RBM42: variants seen among roughly 807,000 people sequenced by gnomAD.
RBM42 encodes RNA-binding protein 42.
A neutral mutation model predicts 41.4 loss-of-function variants in RBM42; 21 were observed. The ratio of observed to expected loss-of-function variants is 0.51; its 90% CI spans 0.36 to 0.73. The LOEUF (loss-of-function observed/expected upper bound fraction) is 0.73, where lower values mean the gene tolerates loss of function less well. Among genes scored for constraint, RBM42 ranks in the 30% least tolerant of loss-of-function variants. RBM42 has a pLI of 0.00. For synonymous variants in RBM42, 272 were observed against 271.2 expected, an observed-to-expected ratio of 1.00 and a Z score of -0.03; for missense variants, 539 against 680.4, an observed-to-expected ratio of 0.79 and a Z score of 2.31.
rs1344951642 is a variant in RBM42, at chr19:35,633,964, G to A, written c.962G>A (p.Arg321His). 10 of 1,557,588 alleles carry A rather than the reference G, an allele frequency of 6.4e-6. No homozygotes were observed. Among genetic ancestry groups the A allele is most frequent in the Non-Finnish European group, 6.9e-6 (8 of 1,157,330 alleles). The change falls in exon 7 of 10, where the codon CGT (arginine) becomes CAT (histidine). Residue 321 changes from arginine (R) to histidine (H), a missense_variant. Arg to His is a conservative substitution (Grantham distance 29, BLOSUM62 0). Around this residue, in one of 2 missense-constraint regions of RBM42, gnomAD observed 429 missense variants for 488.9 expected, o/e 0.88. Transcript: ENST00000262633. ...CGCATTCCTGAACTCCTGTCCCTGC[G>A]TCCTCGGCCCCGGCCCCCTCGGCCA... ...PLRIPELLSL[R>H]PRPRPPRPEP... is the part of the protein sequence containing the mutation.
chr19:35,631,309 C>T, intron 3 of RBM42, 22 bp from the exon 4 acceptor site: 1 of 1,613,972 alleles, frequency 6.2e-7, no homozygotes, highest in Non-Finnish European at 8.5e-7. Flanking sequence ...TCCCACCATC[C>T]TTGCCTCTCC....
rs1163065554 is a variant in RBM42, at chr19:35,633,984, C to T, written c.982C>T (p.Arg328Trp). 3 of 1,533,072 alleles carry T rather than the reference C, an allele frequency of 2.0e-6. No individual in the cohort carries two copies. The highest frequency in any genetic ancestry group is 1.7e-6 in the Non-Finnish European group (2 of 1,145,066). The allele number at this position is 1,533,072 out of a possible 1,614,324, so 95.0% of individuals were successfully genotyped here. ...LSLRPRPRPP[R>W]PEPPPGLMAL... is the part of the protein sequence containing the mutation. ...CCTGCGTCCTCGGCCCCGGCCCCCTCGGCCAGAGCCACCCCCAGGCCTCAT... is the reference window on the plus strand; with the variant it reads ...CCTGCGTCCTCGGCCCCGGCCCCCTTGGCCAGAGCCACCCCCAGGCCTCAT... Residue 328 changes from arginine (R) to tryptophan (W), a missense_variant, in exon 7 of 10, where the codon CGG (arginine) becomes TGG (tryptophan). Arg to Trp is a moderately radical substitution (Grantham distance 101). Transcript: ENST00000262633.
Position 35,629,622 on chromosome 19 carries a change from C to A in RBM42, c.231C>A (p.Val77=). 1 of 1,614,210 alleles carries A rather than the reference C, an allele frequency of 6.2e-7. No individual in the cohort carries two copies. The highest frequency in any genetic ancestry group is 1.1e-5 in the South Asian group (1 of 91,086). Residue 77 remains valine (V), a synonymous_variant, in exon 2 of 10, where the codon GTC becomes GTA. Transcript: ENST00000262633. ...PTVPTVEAMQ[V]PAAPVIRPII... The stretch of plus-strand genomic sequence containing the variant: ...TCCCCACAGTAGAAGCGATGCAGGT[C>A]CCAGCGGCTCCTGTGATCCGCCCAA...
At chr19:35,636,819 G>C (rs866435408) in intron 8 of RBM42, among the ~76,000 whole-genome samples, 3 of 152,144 alleles carry the variant, frequency 2.0e-5, no homozygotes, top group African/African-American at 7.2e-5. Context: ...GGTGGCCCTG[G>C]GGTGGGGAGG....
chr19:35,629,188 G>C lies in RBM42; in HGVS notation c.35G>C (p.Gly12Ala). ...GCGGGGCCAGCCCCGGGACTCCCGG[G>C]TGCAGGAGGACCCGTGGTCCCGGGT... is the stretch of plus-strand genomic sequence containing the variant. ...AGAGPAPGLP[G>A]AGGPVVPGPG... The change falls in exon 1 of 10, where the codon GGT becomes GCT. Residue 12 changes from glycine (G) to alanine (A), a missense_variant. This residue lies in a region of RBM42 where 429 missense variants were observed against 488.9 expected (regional missense o/e 0.88). Transcript: ENST00000262633. 6.5e-7 allele frequency: 1 copy of C among 1,533,992 alleles called. No homozygotes were observed. The highest frequency in any genetic ancestry group is 1.2e-5 in the South Asian group (1 of 83,630).
intron 6 of RBM42, 32 bp downstream of exon 6, chr19:35,633,284 G>T: frequency 6.6e-7 from 1 of 1,506,630 alleles, no homozygotes. Context: ...ACGGTCAGAT[G>T]TGCGGTGGAC....
In RBM42 at chr19:35,629,229, C is replaced by G; in HGVS notation, c.76C>G (p.Pro26Ala). ...GGTCCCGGGTCCTGGCGCTGGCATC[C>G]CGGGCAAAAGCGGCGAGGAACGCTT... is the stretch of plus-strand genomic sequence containing the variant. ...PVVPGPGAGI[P>A]GKSGEERLKE... The change falls in exon 1 of 10, where the codon CCG becomes GCG. Residue 26 changes from proline (P) to alanine (A), a missense_variant. Pro to Ala is a conservative substitution (Grantham distance 27). Coordinates refer to ENST00000262633, the MANE Select transcript of RBM42 (RefSeq NM_024321.5). 1 of 1,537,706 alleles carries G rather than the reference C, an allele frequency of 6.5e-7. No homozygotes were observed. Among genetic ancestry groups the G allele is most frequent in the African/African-American group, 1.4e-5 (1 of 72,992 alleles).
At chr19:35,635,987 C>T (rs780609653) in intron 8 of RBM42, among the ~76,000 whole-genome samples, 4 of 152,054 alleles carry the variant, frequency 2.6e-5, no homozygotes, top group East Asian at 1.9e-4. Context: ...ATATCACAGA[C>T]GCCATGGGGC....
intron 2 of RBM42, 87 bp from the exon 3 acceptor site, chr19:35,631,053 A>G (rs537285317): frequency 6.8e-6 from 8 of 1,178,000 alleles, no homozygotes; most frequent in Non-Finnish European, 1.0e-5. Flanking sequence ...AGCACAAAGC[A>G]TGAAGCTCTT....
intron 8 of RBM42, among the ~76,000 whole-genome samples, chr19:35,634,576 G>A (rs1967463870): frequency 6.6e-6 from 1 of 152,106 alleles, no homozygotes; most frequent in Non-Finnish European, 1.5e-5. Flanking sequence ...ACGGGGACAT[G>A]GGGCTTTGTA....
intron 4 of RBM42, chr19:35,631,629 T>C (rs1351041974): frequency 8.5e-6 from 5 of 590,290 alleles, no homozygotes; most frequent in African/African-American, 1.9e-5. Context: ...TAATTCCCAG[T>C]TACCACAGCA....
At chr19:35,633,337 G>C in intron 6 of RBM42, 85 bp downstream of exon 6, 1 of 1,095,858 alleles carries the variant, frequency 9.1e-7, no homozygotes, top group Non-Finnish European at 1.3e-6. Flanking sequence ...TGTCTGAGTT[G>C]GCCTCTCTCC....
intron 4 of RBM42, chr19:35,631,839 GA>G (rs2146349689): frequency 5.7e-6 from 1 of 176,680 alleles, no homozygotes; most frequent in Non-Finnish European, 1.2e-5. Context: ...AACCCTACAT[GA>G]CCTTGCTTCT....
In RBM42 at chr19:35,633,150, C is replaced by A; in HGVS notation, c.582C>A (p.Gly194=). 1.3e-6 allele frequency: 2 copies of A among 1,567,142 alleles called. No homozygotes were observed. The highest frequency in any genetic ancestry group is 8.8e-7 in the Non-Finnish European group (1 of 1,137,598). ...GGCCCCCTCACCAGGCCCTCGTGGG[C>A]CCCCCTCTGCCTGGGCCCCCTGGAC... is the stretch of plus-strand genomic sequence containing the variant. ...ALRPPHQALV[G]PPLPGPPGPP... Residue 194 remains glycine (G), a synonymous_variant, in exon 6 of 10, where the codon GGC becomes GGA. Coordinates refer to ENST00000262633, the MANE Select transcript of RBM42 (RefSeq NM_024321.5).
Position 35,633,080 on chromosome 19 carries a change from C to G in RBM42, c.512C>G (p.Ser171Cys), listed in dbSNP as rs1568334401. ...FVPHVLQRAD[S>C]ALSSAAAGPR... ...CTCCCCACTAACACCCTGACAGATT[C>G]CGCTCTCTCCTCTGCAGCAGCCGGC... is the stretch of plus-strand genomic sequence containing the variant. Residue 171 changes from serine (S) to cysteine (C), a missense_variant, in exon 6 of 10, where the codon TCC (serine) becomes TGC (cysteine). Physicochemically the swap from Ser to Cys is moderately radical, Grantham distance 112. Transcript: ENST00000262633. 1 of 1,612,812 alleles carries G rather than the reference C, an allele frequency of 6.2e-7. No homozygotes were observed. Among genetic ancestry groups the G allele is most frequent in the Non-Finnish European group, 8.5e-7 (1 of 1,178,856 alleles).
intron 2 of RBM42, among the ~76,000 whole-genome samples, chr19:35,630,517 C>G (rs1967387490): frequency 6.6e-6 from 1 of 152,168 alleles, no homozygotes; most frequent in Admixed American, 6.5e-5. Flanking sequence ...CCTGTAATCC[C>G]AGCACTTTGG....
At position 35,637,099 on chromosome 19, in the gene RBM42, A is replaced by C. The variant is rs1329486832; in HGVS notation, c.1136-59A>C. The C allele has an allele frequency of 1.0e-5, 15 of 1,493,134 alleles. No homozygotes were observed. Among genetic ancestry groups the C allele is most frequent in the Non-Finnish European group, 1.2e-5 (13 of 1,097,596 alleles). 92.5% of individuals were successfully genotyped at this position (1,493,134 alleles called of 1,614,324 possible). On this transcript the variant is annotated intron_variant, in intron 8 of 9. Coordinates refer to ENST00000262633, the MANE Select transcript of RBM42 (RefSeq NM_024321.5). The surrounding 1 kb of genome is among the most constrained non-coding windows in gnomAD (Gnocchi z 7.0). ...TCCGAAAAGGTGGGATCGTTCAGAC[A>C]AGGTAGACACTGGGCAAGGCCTCTG...
In RBM42 at chr19:35,633,079, T is replaced by G. The variant is rs1967432974; in HGVS notation, c.511T>G (p.Ser171Ala). ...FVPHVLQRADSALSSAAAGPR... is the reference protein window; with the variant it reads ...FVPHVLQRADAALSSAAAGPR... ...ACTCCCCACTAACACCCTGACAGAT[T>G]CCGCTCTCTCCTCTGCAGCAGCCGG... The change falls in exon 6 of 10, where the codon TCC becomes GCC. Residue 171 changes from serine to alanine, a missense_variant and splice_region_variant. Transcript: ENST00000262633. 6.2e-7 allele frequency: 1 copy of G among 1,612,496 alleles called. No individual in the cohort carries two copies. Among genetic ancestry groups the G allele is most frequent in the Admixed American group, 1.7e-5 (1 of 59,972 alleles).
Position 35,629,172 on chromosome 19 carries a change from G to T in RBM42, c.19G>T (p.Ala7Ser). The T allele has an allele frequency of 6.6e-7, 1 of 1,525,318 alleles. No homozygotes were observed. Among genetic ancestry groups the T allele is most frequent in the Non-Finnish European group, 8.8e-7 (1 of 1,140,734 alleles). 94.5% of individuals were successfully genotyped at this position (1,525,318 alleles called of 1,614,324 possible). The change falls in exon 1 of 10, where the codon GCC (alanine) becomes TCC (serine). Residue 7 changes from alanine (A) to serine (S), a missense_variant. Ala to Ser is a moderately conservative substitution (Grantham distance 99). Transcript: ENST00000262633. ...GGCAGCGATGGCTGGGGCGGGGCCA[G>T]CCCCGGGACTCCCGGGTGCAGGAGG... is the stretch of plus-strand genomic sequence containing the variant. MAGAGPAPGLPGAGGPV... is the reference protein window; with the variant it reads MAGAGPSPGLPGAGGPV...
Sources: gnomAD v4.1 joint callset for allele counts (sites outside exome capture counted in the v4.1 genomes callset) on GRCh38, gnomAD v4.1.1 for gene constraint, gnomAD v4.1.1 regional missense constraint, Gnocchi (gnomAD v3.1) non-coding constraint, MANE v1.5 for transcripts, NCBI Gene and HGNC (gene_info 2026-07-23, HGNC 2026-07-21) for gene names.